Variants in LPP observed in about 807,000 individuals in gnomAD.
The protein encoded by LPP is LIM domain containing preferred translocation partner in lipoma.
LPP carries 38 observed loss-of-function variants against 60.4 expected under a neutral mutation model. The ratio of observed to expected loss-of-function variants is 0.63; its 90% confidence interval spans 0.49 to 0.83. The LOEUF (loss-of-function observed/expected upper bound fraction) is 0.83, where lower values mean the gene tolerates loss of function less well. Ranked by LOEUF, LPP falls within the 40% of genes least tolerant of loss-of-function variation. The pLI, the probability that LPP is intolerant of heterozygous loss-of-function variation, is 0.00. For missense variants in LPP, 902 were observed against 783.6 expected, an observed-to-expected ratio of 1.15 and a Z score of -1.80; for synonymous variants, 328 against 290.8, an observed-to-expected ratio of 1.13 and a Z score of -1.30.
intron 9 of LPP, among the ~76,000 whole-genome samples, chr3:188,841,854 T>C (rs1417300105): frequency 6.6e-6 from 1 of 152,192 alleles, no homozygotes; most frequent in East Asian, 1.9e-4. Flanking sequence ...TTGTCTATTA[T>C]TGATGTATAG....
intron 2 of LPP, among the ~76,000 whole-genome samples, chr3:188,240,953 A>G (rs1004585178): frequency 3.3e-5 from 5 of 152,296 alleles, no homozygotes; most frequent in East Asian, 1.9e-4. Flanking sequence ...GTCCTTAACT[A>G]TATGATTCTT....
intron 9 of LPP, among the ~76,000 whole-genome samples, chr3:188,780,870 G>A (rs1739416770): frequency 6.6e-6 from 1 of 152,162 alleles, no homozygotes; most frequent in South Asian, 2.1e-4. Flanking sequence ...TAATCCCAGT[G>A]CTGGGCAGCT....
chr3:188,243,051 A>T (rs907335985), intron 2 of LPP, among the ~76,000 whole-genome samples: 1 of 152,218 alleles, frequency 6.6e-6, no homozygotes, highest in Non-Finnish European at 1.5e-5. Flanking sequence ...TGCCAAAACA[A>T]TCTGGTTAGG....
rs571162651 is a variant in LPP, at chr3:188,467,819, G to A, written c.194-16773G>A. 3.3e-5 allele frequency among the ~76,000 whole-genome samples: 5 copies of A among 152,230 alleles called. No individual in the cohort carries two copies. In the South Asian group the frequency reaches 8.3e-4, roughly 25 times the overall value. Reference sequence around the variant, plus strand: ...AAGACAAAGAAGTGGATTCTCTGGAGAGACTCCAGAAAGGAATGCTGCCCT... The same window carrying A: ...AAGACAAAGAAGTGGATTCTCTGGAAAGACTCCAGAAAGGAATGCTGCCCT... On this transcript the variant is annotated intron_variant, in intron 4 of 11. Coordinates refer to ENST00000617246, the MANE Select transcript of LPP (RefSeq NM_001375462.1).
At chr3:188,600,559 A>G (rs1459259562) in intron 6 of LPP, among the ~76,000 whole-genome samples, 4 of 152,052 alleles carry the variant, frequency 2.6e-5, no homozygotes, top group Non-Finnish European at 4.4e-5. Flanking sequence ...TAAAATATAC[A>G]TAATACAGAA....
intron 5 of LPP, among the ~76,000 whole-genome samples, chr3:188,489,183 CT>C (rs1275695551): frequency 6.6e-6 from 1 of 152,136 alleles, no homozygotes; most frequent in Non-Finnish European, 1.5e-5. Flanking sequence ...TGAGGCAGTG[CT>C]GCAGGATAAG....
intron 2 of LPP, among the ~76,000 whole-genome samples, chr3:188,270,578 A>C (rs1737410081): frequency 6.6e-6 from 1 of 152,212 alleles, no homozygotes; most frequent in Admixed American, 6.5e-5. Context: ...CAGGCATCAG[A>C]GCTCAGTGCC....
At chr3:188,274,813 G>T (rs1006045951) in intron 2 of LPP, among the ~76,000 whole-genome samples, 2 of 152,232 alleles carry the variant, frequency 1.3e-5, no homozygotes, top group Non-Finnish European at 2.9e-5. Context: ...GATTGGTTGA[G>T]ACTGACCCTT....
intron 6 of LPP, among the ~76,000 whole-genome samples, chr3:188,583,178 T>A (rs1347579247): frequency 1.6e-4 from 25 of 152,210 alleles, no homozygotes; most frequent in Admixed American, 1.6e-3. Flanking sequence ...TAACCTTTTT[T>A]GGTTTGTTTT....
chr3:188,559,534 C>G (rs1271586254), intron 6 of LPP, among the ~76,000 whole-genome samples: 4 of 151,872 alleles, frequency 2.6e-5, no homozygotes, highest in Non-Finnish European at 4.4e-5. Flanking sequence ...ATGTCTTAGT[C>G]TTTATAGAAA....
chr3:188,394,399 C>T (rs1451981261), intron 3 of LPP, among the ~76,000 whole-genome samples: 1 of 152,172 alleles, frequency 6.6e-6, no homozygotes, highest in Non-Finnish European at 1.5e-5. Context: ...TGTCATTGGA[C>T]ATGTACAAAT....
intron 2 of LPP, among the ~76,000 whole-genome samples, chr3:188,288,484 A>C (rs114703332): frequency 0.025 from 3,719 of 151,362 alleles, 166 homozygotes; most frequent in African/African-American, 0.085. Flanking sequence ...TGTAAAAACT[A>C]GTCTTCCAGC....
chr3:188,828,450 CAA>C (rs756013067), intron 9 of LPP, among the ~76,000 whole-genome samples: 4 of 118,940 alleles, frequency 3.4e-5, no homozygotes, highest in Non-Finnish European at 1.8e-5. Context: ...ACTAAAAATA[CAA>C]AAAAAAAAAA....
At chr3:188,159,751 G>T (rs1279350798) in intron 1 of LPP, among the ~76,000 whole-genome samples, 1 of 152,210 alleles carries the variant, frequency 6.6e-6, no homozygotes, top group Non-Finnish European at 1.5e-5. Flanking sequence ...GCAGAGTGAA[G>T]ATTGAGGGAC....
intron 2 of LPP, among the ~76,000 whole-genome samples, chr3:188,306,320 C>T (rs1560225023): frequency 3.3e-5 from 5 of 151,896 alleles, no homozygotes; most frequent in Admixed American, 6.6e-5. Context: ...AACTCCTGAC[C>T]TCAAATGATC....
intron 5 of LPP, among the ~76,000 whole-genome samples, chr3:188,513,591 T>C (rs1366920246): frequency 6.6e-6 from 1 of 152,086 alleles, no homozygotes; most frequent in Non-Finnish European, 1.5e-5. Flanking sequence ...CAAATTGACC[T>C]TTATTTTAAT....
At chr3:188,357,078 G>A (rs549870849) in intron 3 of LPP, among the ~76,000 whole-genome samples, 2 of 152,248 alleles carry the variant, frequency 1.3e-5, no homozygotes, top group South Asian at 4.1e-4. Context: ...CATGGCCTAT[G>A]TATGTCCCCA....
intron 7 of LPP, among the ~76,000 whole-genome samples, chr3:188,620,286 A>AC (rs1845576433): frequency 6.6e-6 from 1 of 152,144 alleles, no homozygotes; most frequent in Admixed American, 6.6e-5. Context: ...CAATTTCTTT[A>AC]CACCAGGAAG....
intron 4 of LPP, among the ~76,000 whole-genome samples, chr3:188,463,186 GGTGTAT>G (rs1799559555): frequency 6.6e-6 from 1 of 151,904 alleles, no homozygotes; most frequent in Non-Finnish European, 1.5e-5. Flanking sequence ...GAACGTGTGG[GGTGTAT>G]GTGTATGTGT....
Sources: gnomAD v4.1 joint callset for allele counts (sites outside exome capture counted in the v4.1 genomes callset) on GRCh38, gnomAD v4.1.1 for gene constraint, MANE v1.5 for transcripts, NCBI Gene and HGNC (gene_info 2026-07-23, HGNC 2026-07-21) for gene names.